Variants in GIGYF2 observed in about 807,000 individuals in gnomAD.
GIGYF2 encodes the protein GRB10 interacting GYF protein 2.
In GIGYF2, 25 loss-of-function variants were observed where a neutral mutation model predicts 208.1. That is an observed-to-expected ratio of 0.12 (90% CI 0.09 to 0.17). GIGYF2 has a LOEUF of 0.17. Ranked by LOEUF, GIGYF2 falls within the 10% of genes least tolerant of loss-of-function variation. GIGYF2 has a pLI of 1.00. For missense variants in GIGYF2, 1,302 were observed against 1,579.4 expected, an observed-to-expected ratio of 0.82 and a Z score of 2.98; for synonymous variants, 534 against 543.8, an observed-to-expected ratio of 0.98 and a Z score of 0.25.
intron 2 of GIGYF2, chr2:232,729,587 T>G: frequency 2.2e-6 from 3 of 1,375,856 alleles, no homozygotes; most frequent in Non-Finnish European, 3.0e-6. Context: ...AGTGATCTGC[T>G]TCTCCAGCTT....
At chr2:232,775,926 T>C (rs936011184) in intron 8 of GIGYF2, among the ~76,000 whole-genome samples, 36 of 152,348 alleles carry the variant, frequency 2.4e-4, no homozygotes, top group African/African-American at 7.9e-4. Context: ...AACCCTGTTA[T>C]ATAAGCTCAG....
At chr2:232,790,954 C>G (rs761113464) in intron 10 of GIGYF2, 39 bp downstream of exon 10, 3 of 1,611,990 alleles carry the variant, frequency 1.9e-6, no homozygotes, top group South Asian at 2.2e-5. Context: ...CAGCATTAAC[C>G]TTATACCAAA....
At position 232,747,654 on chromosome 2, in the gene GIGYF2, T is replaced by C; in HGVS notation, c.81T>C (p.Pro27=). 1.2e-6 allele frequency: 2 copies of C among 1,613,750 alleles called. No individual in the cohort carries two copies. Residue 27 remains proline, a synonymous_variant, in exon 4 of 29, where the codon CCT becomes CCC. Transcript: ENST00000373563. ...CCAGTGGTGGGAGTATTACATCCCC[T>C]CCTCTTTCTCCAGCATTGCCGAAGT... ...ALSSGGSITS[P]PLSPALPKYK...
At chr2:232,802,040 A>AT (rs1236282979) in intron 14 of GIGYF2, among the ~76,000 whole-genome samples, 1 of 152,070 alleles carries the variant, frequency 6.6e-6, no homozygotes, top group Non-Finnish European at 1.5e-5. Context: ...TGTAAGGGGA[A>AT]TTTTTTTCTA....
intron 3 of GIGYF2, among the ~76,000 whole-genome samples, chr2:232,737,746 C>T (rs576971126): frequency 2.0e-5 from 3 of 151,886 alleles, no homozygotes; most frequent in East Asian, 1.9e-4. Context: ...CTAAGTGATA[C>T]GGTGTTTATT....
intron 2 of GIGYF2, 31 bp from the exon 3 acceptor site, chr2:232,735,124 A>G: frequency 1.0e-6 from 1 of 958,876 alleles, no homozygotes; most frequent in South Asian, 1.3e-5. Flanking sequence ...AATCTCAACT[A>G]ATAGTATGGA....
intron 2 of GIGYF2, among the ~76,000 whole-genome samples, chr2:232,706,426 T>C (rs1244758091): frequency 6.6e-6 from 1 of 152,158 alleles, no homozygotes; most frequent in East Asian, 1.9e-4. Context: ...GGAGGATCAC[T>C]TGAGCCCAGG....
chr2:232,834,832 ATT>A (rs35589430), intron 22 of GIGYF2, among the ~76,000 whole-genome samples: 1 of 151,138 alleles, frequency 6.6e-6, no homozygotes, highest in Admixed American at 6.6e-5. Flanking sequence ...ACCTCTAGTG[ATT>A]TTTTTTTTAA....
chr2:232,791,371 G>A lies in GIGYF2; in HGVS notation c.1207G>A (p.Glu403Lys), dbSNP rs1227806848. 10 of 1,613,974 alleles carry A rather than the reference G, an allele frequency of 6.2e-6. No homozygotes were observed. Among genetic ancestry groups the A allele is most frequent in the Non-Finnish European group, 8.5e-6 (10 of 1,180,000 alleles). Reference protein sequence around the residue: ...QFERKDEPKTEQTEKAEEETR... With the variant: ...QFERKDEPKTKQTEKAEEETR... ...TGAGAGGAAAGATGAACCAAAAACTGAGCAAACGGAAAAAGCTGAAGAGGA... is the reference window on the plus strand; with the variant it reads ...TGAGAGGAAAGATGAACCAAAAACTAAGCAAACGGAAAAAGCTGAAGAGGA... The change falls in exon 12 of 29, where the codon GAG becomes AAG. Residue 403 changes from glutamate (E) to lysine (K), a missense_variant. Physicochemically the swap from Glu to Lys is moderately conservative, Grantham distance 56. This residue lies in a region of GIGYF2 where 235 missense variants were observed against 218.8 expected (regional missense o/e 1.07). Coordinates refer to ENST00000373563, the MANE Select transcript of GIGYF2 (RefSeq NM_001103146.3).
intron 25 of GIGYF2, among the ~76,000 whole-genome samples, chr2:232,844,896 A>T (rs1041014814): frequency 6.6e-6 from 1 of 152,126 alleles, no homozygotes; most frequent in African/African-American, 2.4e-5. Context: ...ATACCTTAGC[A>T]TTTTTCCTAT....
rs1164377267 is a variant in GIGYF2, at chr2:232,858,162, G to C, written c.*1302G>C. On this transcript the variant is annotated 3_prime_UTR_variant, in exon 29 of 29. Coordinates refer to ENST00000373563, the MANE Select transcript of GIGYF2 (RefSeq NM_001103146.3). ...CCCCTACAGAACATCACCTGGAATT[G>C]CCACTCACACTGGGTTGGAGTCATT... 9.4e-6 allele frequency: 2 copies of C among 213,096 alleles called. No individual in the cohort carries two copies. The highest frequency in any genetic ancestry group is 5.8e-5 in the Admixed American group (1 of 17,250). The allele number at this position is 213,096 out of a possible 1,614,324, so 13.2% of individuals were successfully genotyped here. A position where few individuals can be genotyped will look rare whatever the true frequency, so the allele number is the denominator to read the frequency against.
At chr2:232,715,248 G>C (rs1001639933) in intron 2 of GIGYF2, among the ~76,000 whole-genome samples, 1 of 151,984 alleles carries the variant, frequency 6.6e-6, no homozygotes, top group Non-Finnish European at 1.5e-5. Context: ...TACAGTATTT[G>C]TTCATAACAT....
chr2:232,849,463 C>A (rs1387412653), intron 27 of GIGYF2, among the ~76,000 whole-genome samples: 1 of 151,994 alleles, frequency 6.6e-6, no homozygotes, highest in Admixed American at 6.6e-5. Context: ...CACGCCCGGC[C>A]CTAGGAAAAA....
intron 8 of GIGYF2, chr2:232,765,531 T>C (rs1348489681): frequency 6.5e-6 from 1 of 153,732 alleles, no homozygotes; most frequent in East Asian, 1.9e-4. Flanking sequence ...TGAACAACCA[T>C]AGGAGAATGT....
chr2:232,704,213 T>A (rs1251795546), intron 2 of GIGYF2, among the ~76,000 whole-genome samples: 1 of 152,186 alleles, frequency 6.6e-6, no homozygotes, highest in Non-Finnish European at 1.5e-5. Flanking sequence ...GTGACTATTC[T>A]AGGTGGACTC....
At chr2:232,704,471 G>A (rs1258573616) in intron 2 of GIGYF2, among the ~76,000 whole-genome samples, 29 of 151,578 alleles carry the variant, frequency 1.9e-4, no homozygotes, top group Non-Finnish European at 2.2e-4. Flanking sequence ...GTGGCATGAT[G>A]TCAGCTCACT....
chr2:232,720,318 C>G (rs746056128), intron 2 of GIGYF2, among the ~76,000 whole-genome samples: 1 of 152,062 alleles, frequency 6.6e-6, no homozygotes, highest in Non-Finnish European at 1.5e-5. Context: ...TGTATATATG[C>G]CACATTTTCT....
chr2:232,736,179 C>A, intron 3 of GIGYF2: 1 of 981,016 alleles, frequency 1.0e-6, no homozygotes, highest in Non-Finnish European at 1.2e-6. Flanking sequence ...ATTTGAAGTT[C>A]TAAGAACCGA....
At chr2:232,815,042 A>G (rs1700868449) in intron 18 of GIGYF2, among the ~76,000 whole-genome samples, 1 of 152,202 alleles carries the variant, frequency 6.6e-6, no homozygotes. Flanking sequence ...ACCAGGTCTC[A>G]CTTGTAAGAC....
Sources: gnomAD v4.1 joint callset for allele counts (sites outside exome capture counted in the v4.1 genomes callset) on GRCh38, gnomAD v4.1.1 for gene constraint, gnomAD v4.1.1 regional missense constraint, MANE v1.5 for transcripts, NCBI Gene and HGNC (gene_info 2026-07-23, HGNC 2026-07-21) for gene names.